The following EYS variants were observed in gnomAD, a reference collection of about 807,000 sequenced individuals.
The protein encoded by EYS is EGF-like photoreceptor maintenance factor, also known as protein eyes shut homolog.
A neutral mutation model predicts 282.1 loss-of-function variants in EYS; 250 were observed. The ratio of observed to expected loss-of-function variants is 0.89; its 90% CI spans 0.80 to 0.98. EYS has a LOEUF of 0.98. Among genes scored for constraint, EYS ranks in the 50% least tolerant of loss-of-function variants. The probability of loss-of-function intolerance (pLI) is 0.00; values close to 1 mark genes in which losing one functional copy is unlikely to be tolerated. For synonymous variants in EYS, 1,355 were observed against 1,282.9 expected, an observed-to-expected ratio of 1.06 and a Z score of -1.20; for missense variants, 4,016 against 3,709.0, an observed-to-expected ratio of 1.08 and a Z score of -2.15.
chr6:64,178,223 C>A (rs1764691616), intron 31 of EYS, among the ~76,000 whole-genome samples: 1 of 151,872 alleles, frequency 6.6e-6, no homozygotes, highest in Non-Finnish European at 1.5e-5. Context: ...TGCTATCTAC[C>A]TAGATAAAAG....
At chr6:64,682,251 C>A (rs1769928122) in intron 22 of EYS, among the ~76,000 whole-genome samples, 2 of 152,064 alleles carry the variant, frequency 1.3e-5, no homozygotes, top group South Asian at 4.1e-4. Context: ...GCCTGTAGTC[C>A]CAGCTACTCC....
chr6:63,840,981 A>G (rs1337147714), intron 36 of EYS, among the ~76,000 whole-genome samples: 1 of 152,132 alleles, frequency 6.6e-6, no homozygotes, highest in Non-Finnish European at 1.5e-5. Flanking sequence ...CTATTTCTCA[A>G]GATTGCCTTG....
intron 10 of EYS, among the ~76,000 whole-genome samples, chr6:65,339,639 G>C (rs1252427772): frequency 6.6e-6 from 1 of 151,170 alleles, no homozygotes; most frequent in African/African-American, 2.4e-5. Context: ...CTGCAGGTAA[G>C]AGGGAAGACT....
At chr6:64,317,517 C>T (rs762111733) in intron 29 of EYS, among the ~76,000 whole-genome samples, 1 of 151,658 alleles carries the variant, frequency 6.6e-6, no homozygotes, top group East Asian at 1.9e-4. Flanking sequence ...GATCATTAAA[C>T]GTCAGGAAAC....
chr6:65,261,864 A>G (rs1767628656), intron 12 of EYS, among the ~76,000 whole-genome samples: 1 of 152,058 alleles, frequency 6.6e-6, no homozygotes, highest in South Asian at 2.1e-4. Context: ...CTGTCTATGA[A>G]ACAGTCTATA....
chr6:65,529,837 A>C (rs1020688471), intron 2 of EYS, among the ~76,000 whole-genome samples: 1 of 152,130 alleles, frequency 6.6e-6, no homozygotes, highest in Non-Finnish European at 1.5e-5. Flanking sequence ...CACAGTGAGA[A>C]TGCTGTCTAT....
intron 22 of EYS, among the ~76,000 whole-genome samples, chr6:64,776,924 A>G (rs777938555): frequency 2.0e-5 from 3 of 152,120 alleles, no homozygotes; most frequent in Non-Finnish European, 4.4e-5. Flanking sequence ...TGAGGCTAGG[A>G]AATTTATAAA....
At chr6:63,931,544 C>T (rs1412592058) in intron 35 of EYS, among the ~76,000 whole-genome samples, 1 of 152,186 alleles carries the variant, frequency 6.6e-6, no homozygotes, top group Non-Finnish European at 1.5e-5. Context: ...TTTTGGCTTC[C>T]TTTCAGGAAG....
intron 19 of EYS, among the ~76,000 whole-genome samples, chr6:64,828,384 C>T (rs1351475020): frequency 1.3e-5 from 2 of 151,812 alleles, no homozygotes; most frequent in Admixed American, 1.3e-4. Context: ...TGATGGAACT[C>T]TGTAGCAGTT....
At chr6:65,701,062 T>C (rs1314887869) in intron 1 of EYS, among the ~76,000 whole-genome samples, 1 of 152,216 alleles carries the variant, frequency 6.6e-6, no homozygotes, top group East Asian at 1.9e-4. Flanking sequence ...TAATGCCATA[T>C]ACACCATCCT....
intron 2 of EYS, among the ~76,000 whole-genome samples, chr6:65,504,915 T>C (rs1215675986): frequency 6.6e-6 from 1 of 151,772 alleles, no homozygotes; most frequent in Non-Finnish European, 1.5e-5. Flanking sequence ...AGGGTAATGC[T>C]AGCCTCAGGA....
chr6:65,519,708 ATTT>A lies in EYS; in HGVS notation c.-332-23718_-332-23716del, dbSNP rs59743261. On this transcript the variant is annotated intron_variant, in intron 2 of 42. Coordinates refer to ENST00000503581, the MANE Select transcript of EYS (RefSeq NM_001142800.2). ...TAACTATATATATATATATATATAT[ATTT>A]TTTTTTTTTTTTTTTTTTTTTTGAG... 3.1e-4 allele frequency among the ~76,000 whole-genome samples: 13 copies of A among 42,554 alleles called. No homozygotes were observed. The East Asian group carries it at 0.01, about 33-fold the overall frequency. The allele number at this position is 42,554 out of a possible 152,430, so 27.9% of individuals were successfully genotyped here. A position where few individuals can be genotyped will look rare whatever the true frequency, so the allele number is the denominator to read the frequency against.
chr6:65,244,535 C>T (rs1767131801), intron 12 of EYS, among the ~76,000 whole-genome samples: 1 of 151,320 alleles, frequency 6.6e-6, no homozygotes, highest in Non-Finnish European at 1.5e-5. Context: ...TTATTTGAGA[C>T]CAAGTCTCGC....
At chr6:64,972,177 T>C (rs1770316613) in intron 14 of EYS, among the ~76,000 whole-genome samples, 1 of 152,064 alleles carries the variant, frequency 6.6e-6, no homozygotes, top group Non-Finnish European at 1.5e-5. Flanking sequence ...GAAGAAGACA[T>C]AGAAAAAGCA....
At chr6:65,389,798 A>G (rs565255981) in intron 7 of EYS, among the ~76,000 whole-genome samples, 1 of 152,208 alleles carries the variant, frequency 6.6e-6, no homozygotes, top group African/African-American at 2.4e-5. Flanking sequence ...ATATATATAA[A>G]ATGGACAAGA....
At chr6:64,409,094 G>A (rs1250755403) in intron 28 of EYS, among the ~76,000 whole-genome samples, 1 of 152,072 alleles carries the variant, frequency 6.6e-6, no homozygotes, top group African/African-American at 2.4e-5. Context: ...ATGGCCTCCA[G>A]CTGCATCTAT....
rs183109474 is a variant in EYS at position 64,364,567 on chromosome 6, G to T, written c.6078+24123C>A. On this transcript the variant is annotated intron_variant, in intron 29 of 42. Transcript: ENST00000503581. ...CCTGCTAATGGTGAATAAATCTCAG[G>T]CTGCAGTAACATGTTTTAAAGGCTT... Among the ~76,000 whole-genome samples, 202 of 151,818 alleles carry T rather than the reference G, an allele frequency of 1.3e-3. 1 individual carries two copies. Among genetic ancestry groups the T allele is most frequent in the Admixed American group, 8.9e-3 (135 of 15,218 alleles).
At chr6:65,427,530 A>C (rs914935572) in intron 5 of EYS, among the ~76,000 whole-genome samples, 1 of 152,110 alleles carries the variant, frequency 6.6e-6, no homozygotes, top group Non-Finnish European at 1.5e-5. Context: ...ATATTTTAAA[A>C]ATAAATATGT....
At chr6:65,692,702 T>C (rs987048096) in intron 1 of EYS, among the ~76,000 whole-genome samples, 1 of 150,044 alleles carries the variant, frequency 6.7e-6, no homozygotes, top group Admixed American at 6.7e-5. Context: ...ACACGACATG[T>C]AGTATTTATA....
Sources: gnomAD v4.1 joint callset for allele counts (sites outside exome capture counted in the v4.1 genomes callset) on GRCh38, gnomAD v4.1.1 for gene constraint, MANE v1.5 for transcripts, NCBI Gene and HGNC (gene_info 2026-07-23, HGNC 2026-07-21) for gene names.